CYP2B6: variants seen among roughly 807,000 people sequenced by gnomAD.
CYP2B6 encodes the protein cytochrome P450 family 2 subfamily B member 6, also known as cytochrome P450 2B6.
CYP2B6 carries 35 observed loss-of-function variants against 43.4 expected under a neutral mutation model. The ratio of observed to expected loss-of-function variants is 0.81; its 90% CI spans 0.62 to 1.07. The LOEUF is 1.07. Ranked by LOEUF, CYP2B6 falls within the 50% of genes least tolerant of loss-of-function variation. The pLI is 0.00. For synonymous variants in CYP2B6, 239 were observed against 239.2 expected, an observed-to-expected ratio of 1.00 and a Z score of 0.01; for missense variants, 624 against 632.8, an observed-to-expected ratio of 0.99 and a Z score of 0.15.
intron 1 of CYP2B6, among the ~76,000 whole-genome samples, chr19:40,991,968 C>T (rs375269180): frequency 4.6e-5 from 7 of 151,994 alleles, no homozygotes; most frequent in East Asian, 3.9e-4. Context: ...TTTTGGAGGC[C>T]GAGGTGGTGG....
chr19:41,005,407 C>T (rs760631286), intron 3 of CYP2B6, among the ~76,000 whole-genome samples: 58 of 151,976 alleles, frequency 3.8e-4, no homozygotes, highest in Non-Finnish European at 7.6e-4. Flanking sequence ...TATAGGGAAA[C>T]GGGGACAAGA....
chr19:41,014,739 G>T (rs1217952259), intron 8 of CYP2B6, among the ~76,000 whole-genome samples: 3 of 151,976 alleles, frequency 2.0e-5, no homozygotes, highest in Admixed American at 6.6e-5. Flanking sequence ...GGGAGCCAGT[G>T]GCAGAAAGAC....
At chr19:41,005,689 G>C (rs898589190) in intron 3 of CYP2B6, among the ~76,000 whole-genome samples, 10 of 151,978 alleles carry the variant, frequency 6.6e-5, no homozygotes, top group African/African-American at 2.4e-4. Context: ...GCTGAGACAG[G>C]AGAATTGATT....
intron 1 of CYP2B6, among the ~76,000 whole-genome samples, chr19:40,996,127 G>A (rs1968996271): frequency 6.6e-6 from 1 of 152,068 alleles, no homozygotes. Flanking sequence ...TGAGGGATGT[G>A]GAGTTGGGGA....
chr19:41,004,420 T>C lies in CYP2B6; in HGVS notation c.458T>C (p.Leu153Pro). ...CGGATTCAGGAGGAGGCTCAGTGTC[T>C]GATAGAGGAGCTTCGGAAATCCAAG... is the stretch of plus-strand genomic sequence containing the variant. Reference protein sequence around the residue: ...EERIQEEAQCLIEELRKSKGA... With the variant: ...EERIQEEAQCPIEELRKSKGA... Residue 153 changes from leucine (L) to proline (P), a missense_variant, in exon 3 of 9, where the codon CTG becomes CCG. Physicochemically the swap from Leu to Pro is moderately conservative, Grantham distance 98 (BLOSUM62 -3). Transcript: ENST00000324071. 1 of 1,613,778 alleles carries C rather than the reference T, an allele frequency of 6.2e-7. No individual in the cohort carries two copies. Among genetic ancestry groups the C allele is most frequent in the Non-Finnish European group, 8.5e-7 (1 of 1,179,940 alleles).
chr19:41,010,992 A>C (rs1969275070), intron 6 of CYP2B6, among the ~76,000 whole-genome samples: 1 of 152,074 alleles, frequency 6.6e-6, no homozygotes, highest in South Asian at 2.1e-4. Context: ...ATAATTACTG[A>C]TTCTTTCATT....
chr19:41,012,756 A>G lies in CYP2B6; in HGVS notation c.1235A>G (p.His412Arg), dbSNP rs1184813599. The stretch of plus-strand genomic sequence containing the variant: ...AAACCAGACGCCTTCAATCCTGACC[A>G]CTTTCTGGATGCCAATGGGGCACTG... ...FEKPDAFNPD[H>R]FLDANGALKK... is the part of the protein sequence containing the mutation. Residue 412 changes from histidine (H) to arginine (R), a missense_variant, in exon 8 of 9, where the codon CAC (histidine) becomes CGC (arginine). Transcript: ENST00000324071. 6.2e-7 allele frequency: 1 copy of G among 1,613,954 alleles called. No homozygotes were observed.
chr19:41,006,547 G>A (rs1188145837), intron 3 of CYP2B6, among the ~76,000 whole-genome samples: 1 of 151,912 alleles, frequency 6.6e-6, no homozygotes, highest in Non-Finnish European at 1.5e-5. Context: ...CAGAGTCAGA[G>A]GTGGGGCCTG....
intron 4 of CYP2B6, among the ~76,000 whole-genome samples, chr19:41,007,903 G>T (rs1445762538): frequency 6.6e-6 from 1 of 152,096 alleles, no homozygotes; most frequent in Non-Finnish European, 1.5e-5. Flanking sequence ...TGGAATTACA[G>T]GTGTGAGCCA....
intron 6 of CYP2B6, 78 bp downstream of exon 6, chr19:41,010,213 G>C (rs1416982970): frequency 3.9e-6 from 6 of 1,547,436 alleles, no homozygotes; most frequent in Non-Finnish European, 4.4e-6. Context: ...GGTACCACCT[G>C]GATGAGAGAG....
chr19:41,009,744 G>T lies in CYP2B6; in HGVS notation c.823-250G>T, dbSNP rs79478319. On this transcript the variant is annotated intron_variant, in intron 5 of 8. Coordinates refer to ENST00000324071, the MANE Select transcript of CYP2B6 (RefSeq NM_000767.5). ...ACTCACAGAGGCAGAAAGAGACGGG[G>T]ACAAAAAGAGAGAAACACATCAAAG... 3,343 of 598,374 alleles carry T rather than the reference G, an allele frequency of 5.6e-3. 22 individuals are homozygous for T. Among genetic ancestry groups the T allele is most frequent in the Non-Finnish European group, 7.9e-3 (2,674 of 338,816 alleles). 37.1% of individuals were successfully genotyped at this position (598,374 alleles called of 1,614,324 possible).
intron 4 of CYP2B6, chr19:41,007,304 C>G: frequency 1.9e-6 from 1 of 536,330 alleles, no homozygotes; most frequent in African/African-American, 1.9e-5. Flanking sequence ...CAGAGAGAGA[C>G]TGAGAGAAGG....
At position 41,012,814 on chromosome 19, in the gene CYP2B6, A is replaced by G; in HGVS notation, c.1293A>G (p.Leu431=). Residue 431 remains leucine (L), a splice_region_variant and synonymous_variant, in exon 8 of 9, where the codon TTA becomes TTG. Coordinates refer to ENST00000324071, the MANE Select transcript of CYP2B6 (RefSeq NM_000767.5). ...CTGAAGCTTTTATCCCCTTCTCCTT[A>G]GGTAAGCTGGACCCACAATTTCTTT... ...KKTEAFIPFS[L]GKRICLGEGI... 6.2e-7 allele frequency: 1 copy of G among 1,614,120 alleles called. No individual in the cohort carries two copies. The highest frequency in any genetic ancestry group is 8.5e-7 in the Non-Finnish European group (1 of 1,180,028).
At chr19:41,007,114 C>T (rs1466502183) in intron 4 of CYP2B6, 49 bp downstream of exon 4, 2 of 1,574,996 alleles carry the variant, frequency 1.3e-6, no homozygotes, top group Non-Finnish European at 1.7e-6. Context: ...GGTGAACACC[C>T]AGAACACACG....
intron 6 of CYP2B6, among the ~76,000 whole-genome samples, chr19:41,010,573 C>G (rs1599850645): frequency 6.6e-6 from 1 of 151,848 alleles, no homozygotes; most frequent in East Asian, 1.9e-4. Context: ...GCCACCACAC[C>G]CGGCTAATTT....
At chr19:41,002,642 G>A (rs1245105056) in intron 1 of CYP2B6, among the ~76,000 whole-genome samples, 1 of 152,040 alleles carries the variant, frequency 6.6e-6, no homozygotes, top group Non-Finnish European at 1.5e-5. Context: ...CCGCCTCCCC[G>A]GGCTCAAGCA....
At chr19:41,004,519 G>T in intron 3 of CYP2B6, 73 bp downstream of exon 3, 1 of 1,550,160 alleles carries the variant, frequency 6.5e-7, no homozygotes. Context: ...GGAATAGAAA[G>T]ACAGAGAGGT....
chr19:41,000,866 C>T (rs1969072836), intron 1 of CYP2B6, among the ~76,000 whole-genome samples: 1 of 151,980 alleles, frequency 6.6e-6, no homozygotes, highest in Non-Finnish European at 1.5e-5. Context: ...TGGAGAAACC[C>T]TGTCTGTACT....
intron 1 of CYP2B6, among the ~76,000 whole-genome samples, chr19:40,995,791 C>T (rs569777433): frequency 3.9e-5 from 6 of 152,092 alleles, no homozygotes. Context: ...CATGCTTTGC[C>T]TAATGATATT....
Sources: gnomAD v4.1 joint callset for allele counts (sites outside exome capture counted in the v4.1 genomes callset) on GRCh38, gnomAD v4.1.1 for gene constraint, MANE v1.5 for transcripts, NCBI Gene and HGNC (gene_info 2026-07-23, HGNC 2026-07-21) for gene names.